The following PRDM5 variants were observed in gnomAD, a reference collection of about 807,000 sequenced individuals.
The protein encoded by PRDM5 is PR domain zinc finger protein 5.
Under a neutral mutation model 81.2 loss-of-function variants are expected in PRDM5, and 56 were observed. The observed-to-expected ratio is 0.69, with a 90% CI of 0.56 to 0.86. PRDM5 has a LOEUF of 0.86. Ranked by LOEUF, PRDM5 falls within the 40% of genes least tolerant of loss-of-function variation. The probability of loss-of-function intolerance (pLI) is 0.00; values close to 1 mark genes in which losing one functional copy is unlikely to be tolerated. For missense variants in PRDM5, 697 were observed against 770.1 expected, an observed-to-expected ratio of 0.91 and a Z score of 1.12; for synonymous variants, 267 against 256.4, an observed-to-expected ratio of 1.04 and a Z score of -0.39.
chr4:120,879,988 G>A (rs763941883), intron 2 of PRDM5, among the ~76,000 whole-genome samples: 5 of 151,992 alleles, frequency 3.3e-5, no homozygotes, highest in Admixed American at 6.6e-5. Flanking sequence ...AATGAACAAC[G>A]CAAAGAGTGA....
At chr4:120,773,609 A>G (rs1403135397) in intron 13 of PRDM5, among the ~76,000 whole-genome samples, 1 of 152,196 alleles carries the variant, frequency 6.6e-6, no homozygotes, top group East Asian at 1.9e-4. Flanking sequence ...AGAATAGGCA[A>G]AGCTCACTGA....
chr4:120,781,884 A>C (rs1425571120), intron 11 of PRDM5, among the ~76,000 whole-genome samples: 1 of 152,222 alleles, frequency 6.6e-6, no homozygotes, highest in African/African-American at 2.4e-5. Flanking sequence ...GCCCTTGGGC[A>C]GTTGGAAAAA....
rs567379309 is a variant in PRDM5, at chr4:120,713,939, G to A, written c.1624-3526C>T. ...CACATGGTGGAAGGAAAGTACTCTGGTCTCTTCAGTTCCTTATAAGCGCAC... is the reference window on the plus strand; with the variant it reads ...CACATGGTGGAAGGAAAGTACTCTGATCTCTTCAGTTCCTTATAAGCGCAC... On this transcript the variant is annotated intron_variant, in intron 14 of 15. Coordinates refer to ENST00000264808, the MANE Select transcript of PRDM5 (RefSeq NM_018699.4). Among the ~76,000 whole-genome samples, 57 of 152,188 alleles carry A rather than the reference G, an allele frequency of 3.7e-4. 1 individual carries two copies. Among genetic ancestry groups the A allele is most frequent in the African/African-American group, 1.3e-3 (56 of 41,540 alleles).
chr4:120,754,510 T>C, intron 14 of PRDM5, 43 bp downstream of exon 14: 1 of 1,341,342 alleles, frequency 7.5e-7, no homozygotes, highest in Non-Finnish European at 1.1e-6. Flanking sequence ...AAAATAAGTA[T>C]GGTTTTCATG....
intron 14 of PRDM5, among the ~76,000 whole-genome samples, chr4:120,736,199 T>TTGTG (rs57073985): frequency 5.4e-3 from 789 of 145,232 alleles, no homozygotes; most frequent in South Asian, 0.011. Context: ...TACTATCCTT[T>TTGTG]TGTGTGTGTG....
intron 14 of PRDM5, among the ~76,000 whole-genome samples, chr4:120,725,922 A>G (rs150298157): frequency 6.6e-6 from 1 of 152,196 alleles, no homozygotes; most frequent in Non-Finnish European, 1.5e-5. Context: ...TCGTATCTAA[A>G]TAGTCACAGT....
chr4:120,868,156 G>A (rs1157982059), intron 2 of PRDM5, among the ~76,000 whole-genome samples: 2 of 151,942 alleles, frequency 1.3e-5, no homozygotes, highest in African/African-American at 4.8e-5. Context: ...TAGTTCTTGG[G>A]CTTTTTTACC....
At chr4:120,792,367 CA>C (rs796949851) in intron 10 of PRDM5, among the ~76,000 whole-genome samples, 2 of 152,074 alleles carry the variant, frequency 1.3e-5, no homozygotes, top group South Asian at 4.1e-4. Flanking sequence ...ACTCGAGCTC[CA>C]AAACTGACTA....
At chr4:120,878,406 T>C (rs1278225322) in intron 2 of PRDM5, among the ~76,000 whole-genome samples, 1 of 152,164 alleles carries the variant, frequency 6.6e-6, no homozygotes, top group African/African-American at 2.4e-5. Context: ...CCACAAAAAT[T>C]AACTTTTCAA....
chr4:120,689,470 C>CA (rs1733958647), downstream of PRDM5, among the ~76,000 whole-genome samples: 1 of 151,770 alleles, frequency 6.6e-6, no homozygotes, highest in South Asian at 2.1e-4. Context: ...GAGCAGCAAA[C>CA]AATTATTTTA....
intron 14 of PRDM5, among the ~76,000 whole-genome samples, chr4:120,727,840 G>T (rs1739657617): frequency 6.6e-6 from 1 of 151,918 alleles, no homozygotes; most frequent in African/African-American, 2.4e-5. Context: ...GGAGGCTGAG[G>T]CAGGGGAATC....
rs534118700 is a variant in PRDM5 at position 120,774,548 on chromosome 4, G to A, written c.1537+2640C>T. ...GCAAATGGATGCTTATCATTTGAGG[G>A]ACAGGACAAAGCAAATAAAAGGGAA... On this transcript the variant is annotated intron_variant, in intron 13 of 15. Transcript: ENST00000264808. 2.0e-5 allele frequency among the ~76,000 whole-genome samples: 3 copies of A among 152,308 alleles called. No homozygotes were observed. The South Asian group carries it at 6.2e-4, about 32-fold the overall frequency.
At chr4:120,846,783 G>A (rs1256707919) in intron 3 of PRDM5, among the ~76,000 whole-genome samples, 1 of 152,078 alleles carries the variant, frequency 6.6e-6, no homozygotes, top group Non-Finnish European at 1.5e-5. Flanking sequence ...AGTTTTAAAG[G>A]TTATTTTTAC....
chr4:120,703,929 A>C (rs979916397), intron 15 of PRDM5, among the ~76,000 whole-genome samples: 1 of 152,098 alleles, frequency 6.6e-6, no homozygotes, highest in Admixed American at 6.6e-5. Context: ...TTAAAAATAT[A>C]TATAAAAACC....
intron 13 of PRDM5, among the ~76,000 whole-genome samples, chr4:120,766,494 T>C (rs747016015): frequency 2.0e-5 from 3 of 152,220 alleles, no homozygotes; most frequent in African/African-American, 4.8e-5. Context: ...CAGTTGACCA[T>C]AGGTAACAAA....
chr4:120,770,609 T>C (rs2149207683), intron 13 of PRDM5, among the ~76,000 whole-genome samples: 1 of 152,216 alleles, frequency 6.6e-6, no homozygotes, highest in East Asian at 1.9e-4. Context: ...TATGGACAGC[T>C]GTTTTAAAAT....
intron 2 of PRDM5, among the ~76,000 whole-genome samples, chr4:120,861,008 C>A (rs1760501413): frequency 6.6e-6 from 1 of 152,092 alleles, no homozygotes; most frequent in Non-Finnish European, 1.5e-5. Context: ...CATCAGTTAT[C>A]TCTTTGTTGT....
chr4:120,751,487 A>T (rs35212154), intron 14 of PRDM5, among the ~76,000 whole-genome samples: 1 of 152,156 alleles, frequency 6.6e-6, no homozygotes, highest in South Asian at 2.1e-4. Flanking sequence ...AAAGAAAGGG[A>T]CAAAACAAAG....
intron 8 of PRDM5, among the ~76,000 whole-genome samples, chr4:120,800,510 C>A: frequency 8.7e-6 from 1 of 114,342 alleles, no homozygotes. Flanking sequence ...GAGTGAGACT[C>A]GGTCTCAAAA....
Sources: allele counts gnomAD v4.1 joint callset (sites outside exome capture counted in the v4.1 genomes callset), GRCh38; gene constraint gnomAD v4.1.1; transcripts MANE v1.5; gene names NCBI Gene and HGNC (gene_info 2026-07-23, HGNC 2026-07-21).